CA10: variants seen among roughly 807,000 people sequenced by gnomAD.
CA10 encodes the protein carbonic anhydrase 10 (inactive).
In CA10, 14 loss-of-function variants were observed where a neutral mutation model predicts 44.2. That is an observed-to-expected ratio of 0.32 (90% CI 0.21 to 0.50). The LOEUF (loss-of-function observed/expected upper bound fraction) is 0.50. Ranked by LOEUF, CA10 falls within the 20% of genes least tolerant of loss-of-function variation. CA10 has a pLI of 0.99. For synonymous variants in CA10, 159 were observed against 141.6 expected (o/e 1.12, Z -0.87); for missense variants, 350 against 409.7 (o/e 0.85, Z 1.26).
intron 6 of CA10, among the ~76,000 whole-genome samples, chr17:51,645,205 A>G (rs927030346): frequency 6.6e-6 from 1 of 152,100 alleles, no homozygotes; most frequent in Non-Finnish European, 1.5e-5. Flanking sequence ...GGTTGCTGCA[A>G]TCCTCTTCTA....
intron 3 of CA10, among the ~76,000 whole-genome samples, chr17:51,810,203 T>C (rs1245791215): frequency 6.6e-6 from 1 of 152,252 alleles, no homozygotes; most frequent in African/African-American, 2.4e-5. Flanking sequence ...CAAAAGTGAT[T>C]GCTTATCTCT....
At chr17:51,813,500 G>A (rs1907451869) in intron 3 of CA10, among the ~76,000 whole-genome samples, 2 of 152,164 alleles carry the variant, frequency 1.3e-5, no homozygotes, top group Admixed American at 1.3e-4. Flanking sequence ...AGATGATCAG[G>A]ACCTGTTCAG....
At chr17:51,690,534 T>G (rs960656245) in intron 4 of CA10, among the ~76,000 whole-genome samples, 3 of 152,168 alleles carry the variant, frequency 2.0e-5, no homozygotes, top group Non-Finnish European at 4.4e-5. Flanking sequence ...AGAGGCCTGG[T>G]GGGAGGTAAT....
chr17:51,938,515 G>A (rs565392675), intron 2 of CA10, among the ~76,000 whole-genome samples: 1 of 152,196 alleles, frequency 6.6e-6, no homozygotes, highest in South Asian at 2.1e-4. Flanking sequence ...GGATCCATAG[G>A]TCTCAATGTC....
chr17:51,856,361 AAACAACAACAACAAC>A (rs3033577), intron 3 of CA10, among the ~76,000 whole-genome samples: 1 of 150,358 alleles, frequency 6.7e-6, no homozygotes, highest in Non-Finnish European at 1.5e-5. Context: ...CATTTCAGTA[AAACAACAACAACAAC>A]AACAACAACA....
At chr17:51,770,407 C>A (rs1223502276) in intron 3 of CA10, among the ~76,000 whole-genome samples, 1 of 151,898 alleles carries the variant, frequency 6.6e-6, no homozygotes, top group Non-Finnish European at 1.5e-5. Flanking sequence ...AAACCCTCCC[C>A]CGAGACCCTA....
chr17:52,052,970 G>T (rs1185633953), intron 2 of CA10, among the ~76,000 whole-genome samples: 1 of 151,942 alleles, frequency 6.6e-6, no homozygotes, highest in Non-Finnish European at 1.5e-5. Context: ...TGATGTGTGT[G>T]TGTGTGGTGG....
intron 1 of CA10, among the ~76,000 whole-genome samples, chr17:52,095,165 A>G (rs1388212432): frequency 2.0e-5 from 3 of 152,190 alleles, no homozygotes; most frequent in African/African-American, 7.2e-5. Context: ...CCTACCTTGA[A>G]CAACATAGGT....
At chr17:51,835,689 T>G (rs1379101879) in intron 3 of CA10, among the ~76,000 whole-genome samples, 1 of 152,212 alleles carries the variant, frequency 6.6e-6, no homozygotes, top group Non-Finnish European at 1.5e-5. Context: ...TCCTAACAGT[T>G]ATTGAGTTTG....
At chr17:52,028,626 C>T (rs1158021363) in intron 2 of CA10, among the ~76,000 whole-genome samples, 3 of 152,208 alleles carry the variant, frequency 2.0e-5, no homozygotes, top group Non-Finnish European at 4.4e-5. Context: ...TATTGGAGGC[C>T]GTTGCTCTGG....
chr17:51,742,087 A>G (rs1271535434), intron 4 of CA10, among the ~76,000 whole-genome samples: 1 of 152,192 alleles, frequency 6.6e-6, no homozygotes, highest in East Asian at 1.9e-4. Flanking sequence ...ATGAATACAC[A>G]GGATCCTCTG....
intron 2 of CA10, among the ~76,000 whole-genome samples, chr17:52,068,310 A>G (rs1184816199): frequency 6.6e-6 from 1 of 152,318 alleles, no homozygotes; most frequent in South Asian, 2.1e-4. Context: ...TAAAGAAGGT[A>G]TCTTGCTTTC....
At chr17:51,641,961 T>A (rs990573812) in intron 6 of CA10, among the ~76,000 whole-genome samples, 1 of 152,220 alleles carries the variant, frequency 6.6e-6, no homozygotes, top group East Asian at 1.9e-4. Context: ...AATACTGGAC[T>A]TGTTCCTGAT....
intron 4 of CA10, among the ~76,000 whole-genome samples, chr17:51,683,733 C>T (rs1005000720): frequency 6.6e-6 from 1 of 152,124 alleles, no homozygotes; most frequent in African/African-American, 2.4e-5. Flanking sequence ...ATGCAAGAAA[C>T]CCCGGGACAA....
At chr17:52,125,527 G>C (rs1989100480) in intron 1 of CA10, among the ~76,000 whole-genome samples, 1 of 152,194 alleles carries the variant, frequency 6.6e-6, no homozygotes, top group African/African-American at 2.4e-5. Context: ...CGGATCTCTA[G>C]AGGTGCCTTC....
chr17:51,831,666 A>AAAG (rs1157592983), intron 3 of CA10, among the ~76,000 whole-genome samples: 13 of 99,018 alleles, frequency 1.3e-4, no homozygotes, highest in East Asian at 6.5e-4. Flanking sequence ...GAGAAAAGAA[A>AAAG]AAGCAGCAGC....
At chr17:51,863,270 G>T (rs764443670) in intron 3 of CA10, among the ~76,000 whole-genome samples, 1 of 152,154 alleles carries the variant, frequency 6.6e-6, no homozygotes, top group Non-Finnish European at 1.5e-5. Flanking sequence ...TATTCCATAC[G>T]CTGCTCTTTC....
In CA10 at chr17:51,737,763, C is replaced by T. The variant is rs1916960567; in HGVS notation, c.465+9870G>A. Among the ~76,000 whole-genome samples the T allele has an allele frequency of 2.0e-5, 3 of 152,150 alleles. No individual in the cohort carries two copies. In the East Asian group the frequency reaches 5.8e-4, roughly 29 times the overall value. ...CCTTAGTGTGTTTGTCCCTGCTTCC[C>T]TACAGCCCCCCTTCCAGGCCAAGCC... On this transcript the variant is annotated intron_variant, in intron 4 of 8. Coordinates refer to ENST00000451037, the MANE Select transcript of CA10 (RefSeq NM_020178.5).
intron 2 of CA10, among the ~76,000 whole-genome samples, chr17:51,983,555 A>C (rs74909375): frequency 0.012 from 1,884 of 151,924 alleles, 28 homozygotes; most frequent in African/African-American, 0.043. Flanking sequence ...CAGTTTACAA[A>C]AAAATAAAAA....
Sources: gnomAD v4.1 joint callset for allele counts (sites outside exome capture counted in the v4.1 genomes callset) on GRCh38, gnomAD v4.1.1 for gene constraint, MANE v1.5 for transcripts, NCBI Gene and HGNC (gene_info 2026-07-23, HGNC 2026-07-21) for gene names.